Variants in HYDIN observed in about 807,000 individuals in gnomAD.
HYDIN encodes HYDIN axonemal central pair apparatus protein.
HYDIN carries 132 observed loss-of-function variants against 403.9 expected under a neutral mutation model. The ratio of observed to expected loss-of-function variants is 0.33; its 90% CI spans 0.28 to 0.38. HYDIN has a LOEUF of 0.38. Among genes scored for constraint, HYDIN ranks in the 10% least tolerant of loss-of-function variants. The probability of loss-of-function intolerance (pLI) is 1.00; values close to 1 mark genes in which losing one functional copy is unlikely to be tolerated. For synonymous variants in HYDIN, 1,202 were observed against 1,891.7 expected, an observed-to-expected ratio of 0.64 and a Z score of 9.46; for missense variants, 2,827 against 5,009.5, an observed-to-expected ratio of 0.56 and a Z score of 13.15.
chr16:71,220,762 T>C (rs2089160338), intron 1 of HYDIN, among the ~76,000 whole-genome samples: 1 of 152,188 alleles, frequency 6.6e-6, no homozygotes, highest in African/African-American at 2.4e-5. Context: ...ATTTCTAAGG[T>C]ATTTAATTTT....
chr16:70,808,080 A>C lies in HYDIN; in HGVS notation c.14884-18T>G, dbSNP rs1189806265. 6.3e-7 allele frequency: 1 copy of C among 1,583,848 alleles called. No homozygotes were observed. Among genetic ancestry groups the C allele is most frequent in the Non-Finnish European group, 8.6e-7 (1 of 1,163,258 alleles). ...CAGTCGGTCTGAAAGGGGAACAAAC[A>C]AACTCAGCTCACGTGAGATCCTGAA... On this transcript the variant is annotated intron_variant, in intron 85 of 85. Transcript: ENST00000393567.
intron 12 of HYDIN, among the ~76,000 whole-genome samples, 180 bp downstream of exon 12, chr16:71,088,121 A>T (rs1481337607): frequency 7.8e-6 from 1 of 128,276 alleles, no homozygotes; most frequent in Non-Finnish European, 1.6e-5. Context: ...TGTATCTATA[A>T]TAACTTATAC....
chr16:70,945,675 G>A (rs918359378), intron 41 of HYDIN, among the ~76,000 whole-genome samples: 1 of 152,194 alleles, frequency 6.6e-6, no homozygotes. Flanking sequence ...TGCTAATGAG[G>A]TAGAAGGGAA....
At chr16:71,098,733 TAAA>T (rs56001948) in intron 10 of HYDIN, among the ~76,000 whole-genome samples, 497 of 128,014 alleles carry the variant, frequency 3.9e-3, no homozygotes, top group South Asian at 0.023. Flanking sequence ...CTGCCTTTCT[TAAA>T]AAAAAAAAAA....
rs758300140 is a variant in HYDIN at position 70,872,179 on chromosome 16, G to T, written c.10949C>A (p.Ala3650Asp). The T allele has an allele frequency of 4.8e-5, 68 of 1,409,814 alleles. No homozygotes were observed. The highest frequency in any genetic ancestry group is 6.3e-5 in the Non-Finnish European group (65 of 1,037,734). 87.3% of individuals were successfully genotyped at this position (1,409,814 alleles called of 1,614,324 possible). Residue 3650 changes from alanine to aspartate, a missense_variant and splice_region_variant, in exon 65 of 86, where the codon GCT becomes GAT. Physicochemically the swap from Ala to Asp is moderately radical, Grantham distance 126 (BLOSUM62 -2). Transcript: ENST00000393567. ...AAATTGGATGTGGTCCACCAGAGCA[G>T]CTAGGGATTAGAAGCAGAAGGCTGT... Reference protein sequence around the residue: ...EDNDMEDLVAAALVDHIQFGD... With the variant: ...EDNDMEDLVADALVDHIQFGD...
chr16:71,199,691 C>A (rs1239807165), intron 1 of HYDIN, among the ~76,000 whole-genome samples: 1 of 152,204 alleles, frequency 6.6e-6, no homozygotes, highest in Non-Finnish European at 1.5e-5. Flanking sequence ...CTACCATTAT[C>A]AGAAGCAGAA....
chr16:71,087,483 G>T (rs1218762914), intron 12 of HYDIN, among the ~76,000 whole-genome samples: 9 of 137,780 alleles, frequency 6.5e-5, no homozygotes, highest in African/African-American at 2.5e-4. Flanking sequence ...CCTCTTTAAA[G>T]GCCCTATGTC....
At chr16:70,877,174 T>A (rs999406588) in intron 62 of HYDIN, among the ~76,000 whole-genome samples, 2 of 146,406 alleles carry the variant, frequency 1.4e-5, no homozygotes, top group African/African-American at 2.7e-5. Flanking sequence ...GAAAAGTGAG[T>A]GGAAAATATA....
At chr16:71,055,861 A>T (rs192113399) in intron 18 of HYDIN, among the ~76,000 whole-genome samples, 17 of 152,218 alleles carry the variant, frequency 1.1e-4, no homozygotes, top group Admixed American at 3.9e-4. Context: ...GCAAAAAGAA[A>T]ACGATTCCAG....
intron 8 of HYDIN, among the ~76,000 whole-genome samples, chr16:71,136,083 G>GTGTTA (rs1333669925): frequency 8.7e-5 from 13 of 149,370 alleles, no homozygotes; most frequent in Non-Finnish European, 4.5e-5. Context: ...AGCAGCAAAA[G>GTGTTA]TGTTAATTCA....
At chr16:71,194,035 T>G (rs960474723) in intron 1 of HYDIN, among the ~76,000 whole-genome samples, 1 of 152,210 alleles carries the variant, frequency 6.6e-6, no homozygotes, top group Non-Finnish European at 1.5e-5. Context: ...TATTTACACA[T>G]GCGTTACAGT....
At chr16:71,136,923 A>G (rs968295479) in intron 8 of HYDIN, among the ~76,000 whole-genome samples, 1 of 132,194 alleles carries the variant, frequency 7.6e-6, no homozygotes. Flanking sequence ...CTAAACTATA[A>G]ACAGGTTACA....
chr16:71,214,271 G>A (rs187006854), intron 1 of HYDIN, among the ~76,000 whole-genome samples: 11 of 152,114 alleles, frequency 7.2e-5, no homozygotes, highest in African/African-American at 2.4e-4. Context: ...ACACTCATTG[G>A]TTAGAAAATT....
chr16:71,027,587 G>A lies in HYDIN; in HGVS notation c.3042+15C>T, dbSNP rs765435384. On this transcript the variant is annotated intron_variant, in intron 20 of 85. Transcript: ENST00000393567. ...TAGGAAAAAACAATAGCTTCCAAAT[G>A]TGCTATCCCCTTACCCTGGGAGTAG... 9 of 1,613,980 alleles carry A rather than the reference G, an allele frequency of 5.6e-6. No individual in the cohort carries two copies. The highest frequency in any genetic ancestry group is 7.6e-6 in the Non-Finnish European group (9 of 1,180,020).
chr16:71,164,756 G>C (rs1012486237), intron 5 of HYDIN, among the ~76,000 whole-genome samples: 1 of 109,232 alleles, frequency 9.2e-6, no homozygotes, highest in Non-Finnish European at 1.8e-5. Context: ...TGTGCATAAA[G>C]ATTTCTGCTG....
At chr16:71,178,274 T>C (rs964332576) in intron 4 of HYDIN, among the ~76,000 whole-genome samples, 38 of 151,768 alleles carry the variant, frequency 2.5e-4, no homozygotes, top group African/African-American at 9.2e-4. Context: ...ACAAAATTAG[T>C]TGCGTGTGGT....
At chr16:71,203,881 A>G (rs1272050787) in intron 1 of HYDIN, 1 of 451,466 alleles carries the variant, frequency 2.2e-6, no homozygotes, top group Non-Finnish European at 4.4e-6. Context: ...CCTGTGAAAT[A>G]TGGTGAAACC....
At chr16:71,107,487 A>G (rs1263718158) in intron 10 of HYDIN, among the ~76,000 whole-genome samples, 2 of 151,166 alleles carry the variant, frequency 1.3e-5, no homozygotes, top group Non-Finnish European at 3.0e-5. Context: ...AAAAAAACAA[A>G]CAATCCTATT....
chr16:71,067,575 G>T (rs915125653), intron 14 of HYDIN, among the ~76,000 whole-genome samples, 185 bp from the exon 15 acceptor site: 4 of 149,356 alleles, frequency 2.7e-5, no homozygotes, highest in Non-Finnish European at 6.0e-5. Flanking sequence ...GTTTTCAAAG[G>T]CCAGGGTAGA....
Sources: gnomAD v4.1 joint callset for allele counts (sites outside exome capture counted in the v4.1 genomes callset) on GRCh38, gnomAD v4.1.1 for gene constraint, MANE v1.5 for transcripts, NCBI Gene and HGNC (gene_info 2026-07-23, HGNC 2026-07-21) for gene names.